The following POF1B variants were observed in gnomAD, a reference collection of about 807,000 sequenced individuals.
POF1B encodes POF1B actin binding protein, also known as protein POF1B.
POF1B carries 53 observed loss-of-function variants against 55.3 expected under a neutral mutation model. The ratio of observed to expected loss-of-function variants is 0.96; its 90% confidence interval spans 0.77 to 1.20. The LOEUF (loss-of-function observed/expected upper bound fraction) is 1.20, where lower values mean the gene tolerates loss of function less well. Among genes scored for constraint, POF1B ranks in the 50% most tolerant of loss-of-function variants. The pLI is 0.00. For synonymous variants in POF1B, 188 were observed against 148.3 expected (o/e 1.27, Z -1.95); for missense variants, 478 against 420.5 (o/e 1.14, Z -1.20).
In POF1B at chrX:85,322,524, C is replaced by A. The variant is rs1425456373; in HGVS notation, c.855-6790G>T. ...AAACCTAGGCATTACCATTCAGGAC[C>A]TAGGCATGGGCAAGGACTTCATGTC... is the stretch of plus-strand genomic sequence containing the variant. On this transcript the variant is annotated intron_variant, in intron 7 of 16. Transcript: ENST00000262753. Among the ~76,000 whole-genome samples, 12 of 111,546 alleles carry A rather than the reference C, an allele frequency of 1.1e-4. No individual in the cohort carries two copies. The East Asian group carries it at 2.3e-3, about 21-fold the overall frequency.
chrX:85,346,493 G>C (rs922645689), intron 5 of POF1B, among the ~76,000 whole-genome samples: 1 of 109,872 alleles, frequency 9.1e-6, no homozygotes, highest in Non-Finnish European at 1.9e-5. Flanking sequence ...ATCACAGTGG[G>C]TGAGGAGCAA....
chrX:85,338,644 C>T (rs1399781350), intron 6 of POF1B, among the ~76,000 whole-genome samples: 1 of 111,182 alleles, frequency 9.0e-6, no homozygotes, highest in East Asian at 2.8e-4. Flanking sequence ...GCAACAAGGG[C>T]CTAACGAGAG....
At chrX:85,306,853 C>A (rs1241065872) in intron 11 of POF1B, among the ~76,000 whole-genome samples, 1 of 111,648 alleles carries the variant, frequency 9.0e-6, no homozygotes, top group Middle Eastern at 4.2e-3. Context: ...CAGCTTTTCT[C>A]ATTGACATGT....
At chrX:85,298,376 T>C (rs1285549586) in intron 15 of POF1B, among the ~76,000 whole-genome samples, 1 of 111,125 alleles carries the variant, frequency 9.0e-6, no homozygotes, top group African/African-American at 3.3e-5. Flanking sequence ...ACTGCAAGAG[T>C]CGTGAGATCT....
chrX:85,374,582 G>A (rs1933890274), intron 2 of POF1B, among the ~76,000 whole-genome samples: 1 of 112,299 alleles, frequency 8.9e-6, no homozygotes, highest in South Asian at 3.6e-4. Flanking sequence ...AATATTCCAT[G>A]AAGGAAAACC....
At chrX:85,351,064 G>C (rs1015494814) in intron 5 of POF1B, among the ~76,000 whole-genome samples, 7 of 111,314 alleles carry the variant, frequency 6.3e-5, no homozygotes, top group Admixed American at 1.9e-4. Flanking sequence ...AACATACAAG[G>C]CATTAGGATA....
chrX:85,311,313 A>G (rs751321573), intron 9 of POF1B, among the ~76,000 whole-genome samples: 1 of 110,761 alleles, frequency 9.0e-6, no homozygotes, highest in Non-Finnish European at 1.9e-5. Flanking sequence ...TCAACCTGTC[A>G]TCTATCTACA....
intron 3 of POF1B, among the ~76,000 whole-genome samples, chrX:85,360,915 C>A (rs1933605303): frequency 9.0e-6 from 1 of 110,934 alleles, no homozygotes; most frequent in African/African-American, 3.3e-5. Flanking sequence ...TAATAATAGT[C>A]ATTCTGACTG....
chrX:85,285,256 A>T (rs956553751), intron 15 of POF1B, among the ~76,000 whole-genome samples: 7 of 111,400 alleles, frequency 6.3e-5, no homozygotes, highest in African/African-American at 2.3e-4. Context: ...TCCCTCAAGG[A>T]TCTAGAACTA....
At chrX:85,340,328 A>G (rs1933149163) in intron 6 of POF1B, among the ~76,000 whole-genome samples, 3 of 110,971 alleles carry the variant, frequency 2.7e-5, no homozygotes, top group Admixed American at 9.6e-5. Context: ...GATGCCAGTA[A>G]AAGGAGAAGG....
At chrX:85,300,535 A>G (rs1351320888) in intron 15 of POF1B, among the ~76,000 whole-genome samples, 1 of 112,572 alleles carries the variant, frequency 8.9e-6, no homozygotes, top group African/African-American at 3.2e-5. Flanking sequence ...GCAAAAGACA[A>G]TAACATCAAC....
At chrX:85,281,731 A>T (rs1569276518) in intron 16 of POF1B, among the ~76,000 whole-genome samples, 1 of 91,993 alleles carries the variant, frequency 1.1e-5, no homozygotes, top group Admixed American at 1.2e-4. Context: ...AATATATATA[A>T]TATATATATA....
At chrX:85,361,176 T>G (rs1343740190) in intron 3 of POF1B, among the ~76,000 whole-genome samples, 3 of 112,034 alleles carry the variant, frequency 2.7e-5, no homozygotes, top group Non-Finnish European at 3.8e-5. Flanking sequence ...TCTATAGGTT[T>G]TCGTTTCACT....
At position 85,305,859 on chromosome X, in the gene POF1B, C is replaced by CA. The variant is rs754909008; in HGVS notation, c.1368dup (p.Gly457TrpfsTer17). On this transcript the variant is annotated frameshift_variant, in exon 13 of 17. Transcript: ENST00000262753. LOFTEE classifies it high-confidence loss of function. ...TTTACCATCTCCGTGTAGTGGTTGC[C>CA]AATCTCATCCATTTTAGCCTGCAAC... 1 of 1,209,705 alleles carries CA rather than the reference C, an allele frequency of 8.3e-7. No individual in the cohort carries two copies. The highest frequency in any genetic ancestry group is 1.8e-5 in the South Asian group (1 of 56,880).
At chrX:85,378,875 T>C (rs1933964297) in intron 2 of POF1B, among the ~76,000 whole-genome samples, 1 of 112,456 alleles carries the variant, frequency 8.9e-6, no homozygotes, top group African/African-American at 3.2e-5. Context: ...AGAACTGCTT[T>C]GCAGTAGGGG....
chrX:85,300,796 A>G (rs925611491), intron 15 of POF1B, among the ~76,000 whole-genome samples: 1 of 111,992 alleles, frequency 8.9e-6, no homozygotes, highest in Non-Finnish European at 1.9e-5. Flanking sequence ...AAAGGAAAGG[A>G]TGAGAGTTGT....
intron 6 of POF1B, among the ~76,000 whole-genome samples, chrX:85,338,653 AG>A (rs1355085196): frequency 8.9e-6 from 1 of 111,741 alleles, no homozygotes; most frequent in Non-Finnish European, 1.9e-5. Flanking sequence ...GCCTAACGAG[AG>A]CTACAGATCA....
rs762398393 is a variant in POF1B, at chrX:85,333,552, G to T, written c.724-2473C>A. On this transcript the variant is annotated intron_variant, in intron 6 of 16. Transcript: ENST00000262753. Reference sequence around the variant, plus strand: ...CCCCAAGTGCTAGTAATTCTGGAAAGAATTTTTTTACAGGTTTCTCTCTTA... The same window carrying T: ...CCCCAAGTGCTAGTAATTCTGGAAATAATTTTTTTACAGGTTTCTCTCTTA... Among the ~76,000 whole-genome samples the T allele has an allele frequency of 9.0e-5, 10 of 110,979 alleles. No individual in the cohort carries two copies. In the South Asian group the frequency reaches 3.0e-3, roughly 33 times the overall value.
intron 7 of POF1B, among the ~76,000 whole-genome samples, chrX:85,317,652 G>T (rs1478611089): frequency 2.7e-5 from 3 of 110,217 alleles, no homozygotes; most frequent in Admixed American, 9.7e-5. Context: ...TTGTCAAAAA[G>T]AAGTGTGGCA....
Sources: gnomAD v4.1 joint callset for allele counts (sites outside exome capture counted in the v4.1 genomes callset) on GRCh38, gnomAD v4.1.1 for gene constraint, MANE v1.5 for transcripts, NCBI Gene and HGNC (gene_info 2026-07-23, HGNC 2026-07-21) for gene names.